Variants in COL10A1 observed in about 807,000 individuals in gnomAD.
COL10A1 encodes the protein collagen alpha-1(X) chain.
A neutral mutation model predicts 18.2 loss-of-function variants in COL10A1; 10 were observed. The observed-to-expected ratio is 0.55, with a 90% confidence interval of 0.34 to 0.93. COL10A1 has a LOEUF of 0.93. Among genes scored for constraint, COL10A1 ranks in the 40% least tolerant of loss-of-function variants. COL10A1 has a pLI of 0.02. For missense variants in COL10A1, 897 were observed against 853.5 expected, an observed-to-expected ratio of 1.05 and a Z score of -0.64; for synonymous variants, 330 against 316.6, an observed-to-expected ratio of 1.04 and a Z score of -0.45.
chr6:116,191,182 T>C, the COL10A1 span, among the ~76,000 whole-genome samples: 1 of 151,974 alleles, frequency 6.6e-6, no homozygotes, highest in Non-Finnish European at 1.5e-5. Flanking sequence ...GAAGTCGATA[T>C]CCTAAATAAA....
the COL10A1 span, among the ~76,000 whole-genome samples, chr6:116,204,205 C>T: frequency 6.6e-6 from 1 of 151,852 alleles, no homozygotes; most frequent in Non-Finnish European, 1.5e-5. Context: ...GTCAAGTGCT[C>T]TCAGAGTGTG....
At chr6:116,212,645 G>C in the COL10A1 span, among the ~76,000 whole-genome samples, 1 of 152,108 alleles carries the variant, frequency 6.6e-6, no homozygotes, top group Non-Finnish European at 1.5e-5. Flanking sequence ...TACCAATCTA[G>C]TTTTTTAAGA....
chr6:116,125,108 A>G (rs1779254732), intron 2 of COL10A1, among the ~76,000 whole-genome samples: 1 of 152,114 alleles, frequency 6.6e-6, no homozygotes, highest in East Asian at 1.9e-4. Context: ...AAAAGTTCTG[A>G]TTTTTTGCAG....
chr6:116,154,380 T>G (rs778825956), intron 1 of COL10A1, among the ~76,000 whole-genome samples: 1 of 152,130 alleles, frequency 6.6e-6, no homozygotes, highest in Non-Finnish European at 1.5e-5. Context: ...CAGTTTCCCC[T>G]CAGAAGGAGA....
intron 1 of COL10A1, chr6:116,145,534 C>T (rs1414379753): frequency 1.4e-5 from 4 of 295,680 alleles, no homozygotes; most frequent in Admixed American, 6.2e-5. Context: ...CATTAGAACT[C>T]CTGTCCTGCT....
chr6:116,205,577 T>TC, the COL10A1 span, among the ~76,000 whole-genome samples: 4 of 151,364 alleles, frequency 2.6e-5, no homozygotes, highest in African/African-American at 9.8e-5. Flanking sequence ...CAAAGGAAAT[T>TC]CCTTAAATAT....
At chr6:116,165,121 A>AAAATC in the COL10A1 span, among the ~76,000 whole-genome samples, 1 of 147,834 alleles carries the variant, frequency 6.8e-6, no homozygotes, top group African/African-American at 2.5e-5. Flanking sequence ...AAAAAAAATT[A>AAAATC]TTGGCTGGCA....
chr6:116,134,121 G>A (rs1049691499), intron 1 of COL10A1, among the ~76,000 whole-genome samples: 6 of 152,326 alleles, frequency 3.9e-5, no homozygotes, highest in African/African-American at 1.4e-4. Flanking sequence ...GCAAAACAGT[G>A]CTTGGGAATG....
chr6:116,144,273 C>T (rs150489039), intron 1 of COL10A1, among the ~76,000 whole-genome samples: 93 of 152,190 alleles, frequency 6.1e-4, no homozygotes, highest in African/African-American at 2.1e-3. Flanking sequence ...GAGGCCGAGG[C>T]GGGCGGATCA....
Position 116,120,742 on chromosome 6 carries a change from G to A in COL10A1, c.1374C>T (p.Gly458=), listed in dbSNP as rs1184523719. Residue 458 remains glycine, a synonymous_variant, in exon 3 of 3, where the codon GGC becomes GGT. Coordinates refer to ENST00000651968, the MANE Select transcript of COL10A1 (RefSeq NM_000493.4). ...PGTRGPIGPP[G]IPGFPGSKGD... is the part of the protein sequence containing the mutation. ...CTTTAGACCCAGGGAATCCTGGAAT[G>A]CCTGGTGGCCCAATAGGGCCTCTAG... 6.3e-7 allele frequency: 1 copy of A among 1,595,118 alleles called. No homozygotes were observed. The highest frequency in any genetic ancestry group is 1.8e-5 in the Admixed American group (1 of 56,146).
chr6:116,121,304 G>A lies in COL10A1; in HGVS notation c.812C>T (p.Ala271Val). ...EGIGKPGAAGAPGQPGIPGTK... is the reference protein window; with the variant it reads ...EGIGKPGAAGVPGQPGIPGTK... ...TCCTGGAATCCCTGGCTGGCCTGGG[G>A]CTCCAGCAGCTCCTGGCTTTCCAAT... The change falls in exon 3 of 3, where the codon GCC (alanine) becomes GTC (valine). Residue 271 changes from alanine (A) to valine (V), a missense_variant. Transcript: ENST00000651968. 1 of 1,613,984 alleles carries A rather than the reference G, an allele frequency of 6.2e-7. No individual in the cohort carries two copies. Among genetic ancestry groups the A allele is most frequent in the Non-Finnish European group, 8.5e-7 (1 of 1,179,948 alleles).
chr6:116,142,372 A>G (rs538036579), intron 1 of COL10A1, among the ~76,000 whole-genome samples: 1 of 152,236 alleles, frequency 6.6e-6, no homozygotes, highest in Non-Finnish European at 1.5e-5. Context: ...TAAAAACCAC[A>G]TAAACTTGAA....
intron 1 of COL10A1, among the ~76,000 whole-genome samples, chr6:116,135,472 C>A (rs931688582): frequency 6.6e-6 from 1 of 151,470 alleles, no homozygotes; most frequent in Non-Finnish European, 1.5e-5. Flanking sequence ...TTGGTAGAGC[C>A]CTCAGTTCTG....
At chr6:116,179,029 A>T in the COL10A1 span, among the ~76,000 whole-genome samples, 1 of 152,138 alleles carries the variant, frequency 6.6e-6, no homozygotes, top group Non-Finnish European at 1.5e-5. Flanking sequence ...CTTGGCCCTA[A>T]AATAGTCAAA....
At position 116,121,944 on chromosome 6, in the gene COL10A1, C is replaced by G. The variant is rs371683017; in HGVS notation, c.172G>C (p.Glu58Gln). 3 of 1,612,866 alleles carry G rather than the reference C, an allele frequency of 1.9e-6. No individual in the cohort carries two copies. Among genetic ancestry groups the G allele is most frequent in the Non-Finnish European group, 1.7e-6 (2 of 1,179,990 alleles). The change falls in exon 3 of 3, where the codon GAG becomes CAG. Residue 58 changes from glutamate (E) to glutamine (Q), a missense_variant. By Grantham distance (29) the Glu-to-Gln change is conservative. Coordinates refer to ENST00000651968, the MANE Select transcript of COL10A1 (RefSeq NM_000493.4). ...CCTGGTGGACCAGGAGTACCTTGCT[C>G]TCCTCTTACTGCTATACCTAAAAGA... Reference protein sequence around the residue: ...IKSKGIAVRGEQGTPGPPGPA... With the variant: ...IKSKGIAVRGQQGTPGPPGPA...
intron 1 of COL10A1, among the ~76,000 whole-genome samples, chr6:116,135,872 T>TAC (rs71554839): frequency 7.6e-4 from 92 of 121,302 alleles, no homozygotes; most frequent in South Asian, 2.4e-3. Context: ...TATATATATA[T>TAC]ACACACATAC....
At chr6:116,190,335 AAAGG>A in the COL10A1 span, among the ~76,000 whole-genome samples, 2 of 152,128 alleles carry the variant, frequency 1.3e-5, no homozygotes, top group South Asian at 4.1e-4. Flanking sequence ...CCATATGATA[AAAGG>A]AAGCAATTTT....
intron 1 of COL10A1, among the ~76,000 whole-genome samples, chr6:116,151,821 A>G (rs1397157041): frequency 6.6e-6 from 1 of 151,970 alleles, no homozygotes; most frequent in Admixed American, 6.6e-5. Flanking sequence ...ACTTCACTGT[A>G]CTCTTTTCTT....
intron 1 of COL10A1, among the ~76,000 whole-genome samples, chr6:116,156,462 AAGGGAT>A (rs1780196135): frequency 6.6e-6 from 1 of 152,166 alleles, no homozygotes; most frequent in African/African-American, 2.4e-5. Context: ...TCTGCCTCAT[AAGGGAT>A]TACTATGCTG....
Sources: allele counts gnomAD v4.1 joint callset (sites outside exome capture counted in the v4.1 genomes callset), GRCh38; gene constraint gnomAD v4.1.1; transcripts MANE v1.5; gene names NCBI Gene and HGNC (gene_info 2026-07-23, HGNC 2026-07-21).